The following UBE3D variants were observed in gnomAD, a reference collection of about 807,000 sequenced individuals.
The protein encoded by UBE3D is E3 ubiquitin-protein ligase E3D.
Under a neutral mutation model 49.6 loss-of-function variants are expected in UBE3D, and 48 were observed. The ratio of observed to expected loss-of-function variants is 0.97; its 90% CI spans 0.77 to 1.23. The LOEUF is 1.23. Among genes scored for constraint, UBE3D ranks in the 50% most tolerant of loss-of-function variants. The pLI, the probability that UBE3D is intolerant of heterozygous loss-of-function variation, is 0.00. For synonymous variants in UBE3D, 189 were observed against 174.2 expected (o/e 1.08, Z -0.67); for missense variants, 452 against 468.4 (o/e 0.96, Z 0.32).
rs1227158509 is a variant in UBE3D, at chr6:82,983,604, G to A, written c.1011-26154C>T. Among the ~76,000 whole-genome samples, 3 of 151,924 alleles carry A rather than the reference G, an allele frequency of 2.0e-5. No homozygotes were observed. In the East Asian group the frequency reaches 5.8e-4, roughly 29 times the overall value. On this transcript the variant is annotated intron_variant, in intron 8 of 9. Transcript: ENST00000369747. ...TTTTAATATTTCTATTCCAAATCCAGGACTAAACAGTTTTATTTAATCTCA... is the reference window on the plus strand; with the variant it reads ...TTTTAATATTTCTATTCCAAATCCAAGACTAAACAGTTTTATTTAATCTCA...
chr6:82,990,651 G>A (rs1416178518), intron 8 of UBE3D, among the ~76,000 whole-genome samples: 1 of 152,118 alleles, frequency 6.6e-6, no homozygotes, highest in African/African-American at 2.4e-5. Flanking sequence ...CTACTCTTAT[G>A]TTCACCCTAT....
chr6:82,932,378 T>C (rs1265482725), intron 9 of UBE3D, among the ~76,000 whole-genome samples: 1 of 152,178 alleles, frequency 6.6e-6, no homozygotes, highest in Non-Finnish European at 1.5e-5. Flanking sequence ...AAATGGTGTA[T>C]CTTTAAATGG....
intron 5 of UBE3D, among the ~76,000 whole-genome samples, chr6:83,026,804 G>A (rs779498350): frequency 9.2e-5 from 14 of 151,940 alleles, no homozygotes; most frequent in Non-Finnish European, 2.9e-5. Context: ...TGATCCTTCC[G>A]CATCAGCCTC....
chr6:83,051,861 T>A (rs1190050238), intron 3 of UBE3D, among the ~76,000 whole-genome samples: 2 of 152,216 alleles, frequency 1.3e-5, no homozygotes, highest in East Asian at 3.9e-4. Flanking sequence ...AGAGTAACTC[T>A]GTGCCATCTC....
intron 8 of UBE3D, among the ~76,000 whole-genome samples, chr6:82,990,260 C>T (rs1327552207): frequency 6.6e-6 from 1 of 152,100 alleles, no homozygotes; most frequent in Non-Finnish European, 1.5e-5. Context: ...AAAGCTGAGT[C>T]ATGAGAGAAA....
rs563661406 is a variant in UBE3D at position 83,022,058 on chromosome 6, G to C, written c.846+395C>G. The stretch of plus-strand genomic sequence containing the variant: ...TTTTTTTTTTTTAAGATGGAGTCTT[G>C]CTCTGTCACCCAGGCTTGAGTGCAG... On this transcript the variant is annotated intron_variant, in intron 7 of 9. Transcript: ENST00000369747. 2.0e-5 allele frequency among the ~76,000 whole-genome samples: 3 copies of C among 151,344 alleles called. No homozygotes were observed. The South Asian group carries it at 6.3e-4, about 32-fold the overall frequency.
chr6:82,975,617 T>C (rs1777660617), intron 8 of UBE3D, among the ~76,000 whole-genome samples: 1 of 152,182 alleles, frequency 6.6e-6, no homozygotes, highest in Non-Finnish European at 1.5e-5. Context: ...GAAATGTCTT[T>C]GAATGCTTTA....
At chr6:82,957,714 G>A (rs190934304) in intron 8 of UBE3D, among the ~76,000 whole-genome samples, 27 of 152,244 alleles carry the variant, frequency 1.8e-4, no homozygotes, top group African/African-American at 6.5e-4. Context: ...TTAGTTCTGT[G>A]GGACCTGCTG....
intron 9 of UBE3D, among the ~76,000 whole-genome samples, chr6:82,937,490 A>G (rs751978165): frequency 5.9e-5 from 9 of 152,178 alleles, no homozygotes; most frequent in Admixed American, 2.6e-4. Context: ...AGGAAGTAAG[A>G]CCCACCACTT....
chr6:82,979,653 T>C (rs571228901), intron 8 of UBE3D, among the ~76,000 whole-genome samples: 2 of 152,346 alleles, frequency 1.3e-5, no homozygotes, highest in South Asian at 4.1e-4. Flanking sequence ...TTTTGTTACA[T>C]GGGCATATTA....
chr6:82,945,277 G>A (rs1775319191), intron 9 of UBE3D, among the ~76,000 whole-genome samples: 1 of 152,200 alleles, frequency 6.6e-6, no homozygotes, highest in African/African-American at 2.4e-5. Flanking sequence ...TAGACAGACA[G>A]AAAGGGAGAG....
At chr6:82,990,290 T>A (rs1487173359) in intron 8 of UBE3D, among the ~76,000 whole-genome samples, 1 of 152,134 alleles carries the variant, frequency 6.6e-6, no homozygotes, top group Non-Finnish European at 1.5e-5. Flanking sequence ...CTTTTTTTAT[T>A]TTTTTGAGAC....
At chr6:82,941,706 T>G (rs1775027275) in intron 9 of UBE3D, among the ~76,000 whole-genome samples, 1 of 152,184 alleles carries the variant, frequency 6.6e-6, no homozygotes, top group South Asian at 2.1e-4. Flanking sequence ...GCAGCTTCCC[T>G]CATGCTGCTC....
intron 9 of UBE3D, among the ~76,000 whole-genome samples, chr6:82,901,017 C>T (rs1770179536): frequency 6.6e-6 from 1 of 152,098 alleles, no homozygotes; most frequent in African/African-American, 2.4e-5. Flanking sequence ...TATAGACAAA[C>T]TTACAAAACA....
At chr6:83,031,998 A>G (rs925101353) in intron 5 of UBE3D, among the ~76,000 whole-genome samples, 5 of 152,352 alleles carry the variant, frequency 3.3e-5, no homozygotes, top group Admixed American at 6.5e-5. Flanking sequence ...ATGTCCAGGC[A>G]GAGGTGTGCT....
At chr6:82,881,340 T>C in the UBE3D span, among the ~76,000 whole-genome samples, 1 of 151,964 alleles carries the variant, frequency 6.6e-6, no homozygotes, top group Admixed American at 6.6e-5. Flanking sequence ...CAGGTAGGAA[T>C]ATGAGGGTGG....
chr6:83,059,636 C>A (rs987600726), intron 1 of UBE3D, among the ~76,000 whole-genome samples: 1 of 152,208 alleles, frequency 6.6e-6, no homozygotes, highest in Non-Finnish European at 1.5e-5. Flanking sequence ...ACATTTCTTC[C>A]CAGTCCCAAA....
intron 5 of UBE3D, among the ~76,000 whole-genome samples, chr6:83,027,434 CAAAAAAAAAAAAA>C (rs61225462): frequency 1.7e-4 from 6 of 34,644 alleles, no homozygotes; most frequent in African/African-American, 4.4e-4. Context: ...GACTCCGTCT[CAAAAAAAAAAAAA>C]AAAAAAAAAA....
At chr6:82,919,853 C>T (rs1773199209) in intron 9 of UBE3D, among the ~76,000 whole-genome samples, 1 of 152,052 alleles carries the variant, frequency 6.6e-6, no homozygotes, top group Admixed American at 6.6e-5. Context: ...AGAATGAGAA[C>T]TTGCTTGAGA....
Sources: gnomAD v4.1 joint callset for allele counts (sites outside exome capture counted in the v4.1 genomes callset) on GRCh38, gnomAD v4.1.1 for gene constraint, MANE v1.5 for transcripts, NCBI Gene and HGNC (gene_info 2026-07-23, HGNC 2026-07-21) for gene names.